The following DCDC1 variants were observed in gnomAD, a reference collection of about 807,000 sequenced individuals.
DCDC1 encodes doublecortin domain-containing protein 1.
A neutral mutation model predicts 178.3 loss-of-function variants in DCDC1; 200 were observed. That is an observed-to-expected ratio of 1.12 (90% CI 1.00 to 1.26). The LOEUF is 1.26. DCDC1 is among the 50% of genes most tolerant of loss of function. The pLI is 0.00. For synonymous variants in DCDC1, 690 were observed against 604.8 expected (o/e 1.14, Z -2.07); for missense variants, 1,983 against 1,749.2 (o/e 1.13, Z -2.38).
At position 31,306,227 on chromosome 11, in the gene DCDC1, G is replaced by A. The variant is rs757083545; in HGVS notation, c.591+5C>T. ...AAGCACAGAAAACTTTGGAACACTA[G>A]TTACCAAGGTGATGGTTGGTACAGT... is the stretch of plus-strand genomic sequence containing the variant. On this transcript the variant is annotated splice_donor_5th_base_variant and intron_variant, in intron 5 of 38. Coordinates refer to ENST00000684477, the MANE Select transcript of DCDC1 (RefSeq NM_001387274.1). 5 of 1,501,252 alleles carry A rather than the reference G, an allele frequency of 3.3e-6. No individual in the cohort carries two copies. The highest frequency in any genetic ancestry group is 4.4e-6 in the Non-Finnish European group (5 of 1,124,546). The allele number at this position is 1,501,252 out of a possible 1,614,324, so 93.0% of individuals were successfully genotyped here.
At position 31,094,051 on chromosome 11, in the gene DCDC1, T is replaced by G. The variant is rs781097423; in HGVS notation, c.2117A>C (p.Lys706Thr). The change falls in exon 16 of 39, where the codon AAG becomes ACG. Residue 706 changes from lysine (K) to threonine (T), a missense_variant and splice_region_variant. Lys to Thr is a moderately conservative substitution (Grantham distance 78, BLOSUM62 -1). Transcript: ENST00000684477. Reference protein sequence around the residue: ...WPVASVWLITKTGMILSRAIT... With the variant: ...WPVASVWLITTTGMILSRAIT... ...GCAAAAGCAGACACTCTTAGGTACC[T>G]TGGTGATCAGCCACACACTGGCTAC... 1.3e-6 allele frequency: 1 copy of G among 766,022 alleles called. No individual in the cohort carries two copies. The highest frequency in any genetic ancestry group is 1.3e-5 in the South Asian group (1 of 74,602). The allele number at this position is 766,022 out of a possible 1,614,324, so 47.5% of individuals were successfully genotyped here. A position where few individuals can be genotyped will look rare whatever the true frequency, so the allele number is the denominator to read the frequency against.
At chr11:30,896,772 G>A (rs1182459227) in intron 34 of DCDC1, among the ~76,000 whole-genome samples, 6 of 152,252 alleles carry the variant, frequency 3.9e-5, no homozygotes, top group African/African-American at 1.4e-4. Context: ...TACTAACCAT[G>A]TAGTAAAGAT....
chr11:31,101,706 T>C (rs570414191), intron 15 of DCDC1, among the ~76,000 whole-genome samples: 1 of 152,248 alleles, frequency 6.6e-6, no homozygotes, highest in Non-Finnish European at 1.5e-5. Context: ...TAACAGGAAG[T>C]AAAGAATAAC....
intron 25 of DCDC1, among the ~76,000 whole-genome samples, chr11:30,920,069 T>C (rs1314586761): frequency 6.6e-6 from 1 of 152,136 alleles, no homozygotes; most frequent in Non-Finnish European, 1.5e-5. Flanking sequence ...GAGAAATTCA[T>C]ATGTGGCTCA....
At chr11:31,314,066 G>A (rs941655829) in intron 3 of DCDC1, among the ~76,000 whole-genome samples, 1 of 152,110 alleles carries the variant, frequency 6.6e-6, no homozygotes, top group South Asian at 2.1e-4. Flanking sequence ...CCACATGAAG[G>A]AATGTGCTTC....
chr11:31,152,497 G>T (rs1426796467), intron 9 of DCDC1, among the ~76,000 whole-genome samples: 1 of 152,214 alleles, frequency 6.6e-6, no homozygotes, highest in Non-Finnish European at 1.5e-5. Flanking sequence ...GAGATAACAA[G>T]TAAATTCTAG....
At chr11:30,946,223 C>CT (rs1948043519) in intron 21 of DCDC1, among the ~76,000 whole-genome samples, 1 of 152,168 alleles carries the variant, frequency 6.6e-6, no homozygotes, top group South Asian at 2.1e-4. Flanking sequence ...CTGGCACCTG[C>CT]TTACCACCAG....
At chr11:30,890,922 T>G (rs1943717716) in intron 36 of DCDC1, among the ~76,000 whole-genome samples, 1 of 152,208 alleles carries the variant, frequency 6.6e-6, no homozygotes, top group African/African-American at 2.4e-5. Flanking sequence ...ATAATCTAGC[T>G]CTGTTAGAAA....
chr11:30,904,190 G>A (rs534901368), intron 31 of DCDC1: 2 of 152,182 alleles, frequency 1.3e-5, no homozygotes, highest in Non-Finnish European at 2.9e-5. Flanking sequence ...GGATCCCTGG[G>A]TGAATCTTGG....
chr11:30,938,644 T>C (rs1035999361), intron 21 of DCDC1, among the ~76,000 whole-genome samples: 1 of 152,118 alleles, frequency 6.6e-6, no homozygotes, highest in African/African-American at 2.4e-5. Context: ...ATTATTCACA[T>C]AGAGAATTAA....
intron 10 of DCDC1, among the ~76,000 whole-genome samples, chr11:31,137,252 T>C (rs960370838): frequency 3.3e-5 from 5 of 152,142 alleles, no homozygotes; most frequent in African/African-American, 9.6e-5. Context: ...CCGGTTGTGA[T>C]CACTTTGTTT....
At chr11:30,937,872 T>A (rs1347032316) in intron 21 of DCDC1, among the ~76,000 whole-genome samples, 1 of 152,138 alleles carries the variant, frequency 6.6e-6, no homozygotes, top group African/African-American at 2.4e-5. Context: ...TACCCTTCCA[T>A]AACCTGAATC....
chr11:31,039,435 ACTAGCT>A (rs1954290076), intron 20 of DCDC1, among the ~76,000 whole-genome samples: 1 of 152,196 alleles, frequency 6.6e-6, no homozygotes, highest in Non-Finnish European at 1.5e-5. Flanking sequence ...TGTTCCACTT[ACTAGCT>A]CTTTGACCTT....
intron 38 of DCDC1, 30 bp from the exon 39 acceptor site, chr11:30,865,362 A>G (rs565766673): frequency 1.3e-5 from 2 of 152,594 alleles, no homozygotes; most frequent in African/African-American, 4.8e-5. Context: ...ACAAATCTAT[A>G]TATATGTATA....
At chr11:30,868,742 C>T (rs1049058221) in intron 38 of DCDC1, among the ~76,000 whole-genome samples, 1 of 152,160 alleles carries the variant, frequency 6.6e-6, no homozygotes, top group Admixed American at 6.5e-5. Flanking sequence ...GTCTGGGTCA[C>T]CTCTATGCTG....
chr11:31,044,571 C>A (rs966668830), intron 20 of DCDC1, among the ~76,000 whole-genome samples: 3 of 151,654 alleles, frequency 2.0e-5, no homozygotes, highest in Admixed American at 6.6e-5. Flanking sequence ...AACATGGGTA[C>A]CCTCTAGGAA....
At chr11:30,895,475 T>C (rs903995511) in intron 34 of DCDC1, among the ~76,000 whole-genome samples, 2 of 152,226 alleles carry the variant, frequency 1.3e-5, no homozygotes, top group Middle Eastern at 3.2e-3. Flanking sequence ...TCAATTTTGT[T>C]GCCAACATAA....
At chr11:31,354,184 G>A (rs1168394123) in intron 1 of DCDC1, among the ~76,000 whole-genome samples, 2 of 152,180 alleles carry the variant, frequency 1.3e-5, no homozygotes, top group African/African-American at 2.4e-5. Context: ...TACTCAGGAG[G>A]CTGAGGCAGG....
At chr11:31,251,775 T>C (rs1193428989) in intron 8 of DCDC1, among the ~76,000 whole-genome samples, 1 of 152,074 alleles carries the variant, frequency 6.6e-6, no homozygotes, top group East Asian at 1.9e-4. Context: ...TTAACATAAG[T>C]AGGCAATAGC....
Sources: allele counts gnomAD v4.1 joint callset (sites outside exome capture counted in the v4.1 genomes callset), GRCh38; gene constraint gnomAD v4.1.1; transcripts MANE v1.5; gene names NCBI Gene and HGNC (gene_info 2026-07-23, HGNC 2026-07-21).